The following DENND1A variants were observed in gnomAD, a reference collection of about 807,000 sequenced individuals.
DENND1A encodes DENN domain-containing protein 1A.
In DENND1A, 51 loss-of-function variants were observed where a neutral mutation model predicts 113.7. The observed-to-expected ratio is 0.45, with a 90% CI of 0.36 to 0.57. DENND1A has a LOEUF of 0.57. Ranked by LOEUF, DENND1A falls within the 20% of genes least tolerant of loss-of-function variation. The pLI is 0.00. For missense variants in DENND1A, 1,258 were observed against 1,395.9 expected (o/e 0.90, Z 1.57); for synonymous variants, 565 against 570.8 (o/e 0.99, Z 0.14).
At chr9:123,536,964 C>G (rs1382315308) in intron 13 of DENND1A, among the ~76,000 whole-genome samples, 1 of 150,578 alleles carries the variant, frequency 6.6e-6, no homozygotes, top group South Asian at 2.1e-4. Context: ...ACAACAACAA[C>G]AAAACACTGA....
At chr9:123,814,704 C>T (rs1473799257) in intron 2 of DENND1A, among the ~76,000 whole-genome samples, 1 of 152,104 alleles carries the variant, frequency 6.6e-6, no homozygotes, top group Admixed American at 6.6e-5. Context: ...AGTAGCAGTT[C>T]TCAAAGTGTC....
chr9:123,610,614 T>C (rs755581146), intron 10 of DENND1A, among the ~76,000 whole-genome samples: 1 of 152,212 alleles, frequency 6.6e-6, no homozygotes, highest in Non-Finnish European at 1.5e-5. Context: ...CATCTGTCTC[T>C]GTAGTATGGG....
intron 9 of DENND1A, among the ~76,000 whole-genome samples, chr9:123,650,906 C>CAAAAAAAA (rs76905879): frequency 8.4e-5 from 3 of 35,646 alleles, no homozygotes; most frequent in Admixed American, 3.2e-4. Context: ...GACTCTGTCT[C>CAAAAAAAA]AAAAAAAAAA....
intron 13 of DENND1A, among the ~76,000 whole-genome samples, chr9:123,538,855 T>TATATATACAC (rs1564676522): frequency 9.9e-6 from 1 of 101,288 alleles, no homozygotes; most frequent in Non-Finnish European, 2.0e-5. Flanking sequence ...TATATATATA[T>TATATATACAC]ATATGAATTC....
intron 1 of DENND1A, among the ~76,000 whole-genome samples, chr9:123,919,819 T>C (rs1588256099): frequency 6.7e-6 from 1 of 148,818 alleles, no homozygotes; most frequent in African/African-American, 2.5e-5. Flanking sequence ...GAGGTGGAGG[T>C]TGCAGCGTGC....
chr9:123,848,711 T>C (rs771767379), intron 2 of DENND1A, among the ~76,000 whole-genome samples: 2 of 152,192 alleles, frequency 1.3e-5, no homozygotes, highest in Non-Finnish European at 2.9e-5. Context: ...TTAGTCTTCT[T>C]GTACCAAACA....
intron 1 of DENND1A, among the ~76,000 whole-genome samples, chr9:123,903,367 AAAG>A (rs1415541576): frequency 2.7e-5 from 4 of 150,152 alleles, no homozygotes; most frequent in East Asian, 1.9e-4. Flanking sequence ...AACTGGAAAA[AAAG>A]AAGATGGCCG....
chr9:123,480,617 T>C (rs987874696), intron 13 of DENND1A, among the ~76,000 whole-genome samples: 2 of 152,176 alleles, frequency 1.3e-5, no homozygotes, highest in African/African-American at 2.4e-5. Context: ...GCCATCCCTC[T>C]TGGGGTCTTC....
At chr9:123,639,777 C>CAAAAAAAAA (rs199515973) in intron 9 of DENND1A, among the ~76,000 whole-genome samples, 3 of 115,602 alleles carry the variant, frequency 2.6e-5, no homozygotes, top group South Asian at 3.0e-4. Context: ...AACTCCATCT[C>CAAAAAAAAA]AAAAAAAAAA....
intron 18 of DENND1A, among the ~76,000 whole-genome samples, chr9:123,446,913 G>A (rs1040456808): frequency 6.6e-6 from 1 of 152,178 alleles, no homozygotes; most frequent in African/African-American, 2.4e-5. Context: ...TGATACCGAA[G>A]AAAAAAGAGA....
intron 11 of DENND1A, among the ~76,000 whole-genome samples, chr9:123,602,392 T>C (rs2059972237): frequency 6.6e-6 from 1 of 152,242 alleles, no homozygotes; most frequent in Admixed American, 6.5e-5. Context: ...ATTTTTGATC[T>C]GTGGTTGGAT....
intron 18 of DENND1A, among the ~76,000 whole-genome samples, chr9:123,440,701 A>G (rs1005147187): frequency 8.5e-5 from 13 of 152,258 alleles, no homozygotes; most frequent in African/African-American, 2.9e-4. Flanking sequence ...AGTTATAAAG[A>G]TAACATCATA....
chr9:123,677,297 T>C (rs149422909), intron 5 of DENND1A, among the ~76,000 whole-genome samples: 4 of 152,286 alleles, frequency 2.6e-5, no homozygotes, highest in South Asian at 2.1e-4. Context: ...ACCATCTCTC[T>C]ATCTACTTCA....
chr9:123,649,571 T>C (rs2062534347), intron 9 of DENND1A, among the ~76,000 whole-genome samples: 1 of 152,206 alleles, frequency 6.6e-6, no homozygotes. Context: ...GTGTTTTATC[T>C]GGAAAAATAT....
Position 123,763,975 on chromosome 9 carries a change from A to G in DENND1A, c.182+5539T>C, listed in dbSNP as rs1257867664. 2.0e-5 allele frequency among the ~76,000 whole-genome samples: 3 copies of G among 152,154 alleles called. No individual in the cohort carries two copies. The East Asian group carries it at 5.8e-4, about 29-fold the overall frequency. On this transcript the variant is annotated intron_variant, in intron 4 of 23. Transcript: ENST00000394215. ...GTGGTGGTTATTATTTTTAGGATGA[A>G]TACCAGAACTTGTTTTTAAGCTGTT...
intron 2 of DENND1A, among the ~76,000 whole-genome samples, chr9:123,799,180 T>G (rs566533784): frequency 1.3e-4 from 20 of 152,316 alleles, no homozygotes; most frequent in African/African-American, 4.6e-4. Context: ...ATAAAAAAAC[T>G]ATTTGATGGA....
At chr9:123,404,539 G>C (rs1202804480) in intron 20 of DENND1A, among the ~76,000 whole-genome samples, 2 of 151,752 alleles carry the variant, frequency 1.3e-5, no homozygotes, top group Non-Finnish European at 2.9e-5. Context: ...AAGGGAAGCA[G>C]GCACACACTC....
At chr9:123,656,492 T>C (rs1424534347) in intron 8 of DENND1A, among the ~76,000 whole-genome samples, 1 of 152,044 alleles carries the variant, frequency 6.6e-6, no homozygotes, top group Admixed American at 6.5e-5. Context: ...GGGATATCCA[T>C]AAAGTAGAAT....
intron 2 of DENND1A, among the ~76,000 whole-genome samples, chr9:123,860,828 T>C (rs770614788): frequency 3.9e-5 from 6 of 152,360 alleles, no homozygotes; most frequent in Admixed American, 1.3e-4. Flanking sequence ...TTTCTCATAA[T>C]GCACTGGGCC....
Sources: gnomAD v4.1 joint callset for allele counts (sites outside exome capture counted in the v4.1 genomes callset) on GRCh38, gnomAD v4.1.1 for gene constraint, MANE v1.5 for transcripts, NCBI Gene and HGNC (gene_info 2026-07-23, HGNC 2026-07-21) for gene names.